PDE4C: variants seen among roughly 807,000 people sequenced by gnomAD.
PDE4C encodes phosphodiesterase 4C.
Under a neutral mutation model 63.9 loss-of-function variants are expected in PDE4C, and 50 were observed. That is an observed-to-expected ratio of 0.78 (90% CI 0.62 to 0.99). The LOEUF is 0.99. PDE4C is among the 50% of genes least tolerant of loss of function. The probability of loss-of-function intolerance (pLI) is 0.00; values close to 1 mark genes in which losing one functional copy is unlikely to be tolerated. For synonymous variants in PDE4C, 377 were observed against 385.1 expected (o/e 0.98, Z 0.25); for missense variants, 777 against 899.1 (o/e 0.86, Z 1.74).
chr19:18,213,381 G>C (rs760829283), exon 13 of PDE4C: 1 of 1,613,710 alleles, frequency 6.2e-7, no homozygotes, highest in Non-Finnish European at 8.5e-7. Flanking sequence ...GATTCGGTCG[G>C]AATAGTTGTC....
chr19:18,209,598 GGC>G (rs1252508802), downstream of PDE4C: 1 of 151,920 alleles, frequency 6.6e-6, no homozygotes, highest in Non-Finnish European at 1.5e-5. Context: ...ATGTTGGCCA[GGC>G]TGATTTTGAA....
At chr19:18,222,215 G>A (rs751642109) in exon 2 of PDE4C, 21 of 1,614,074 alleles carry the variant, frequency 1.3e-5, no homozygotes, top group African/African-American at 9.3e-5. Flanking sequence ...GGAAGGACTC[G>A]CGCCGCTGGC....
At chr19:18,224,576 G>T in intron 1 of PDE4C, 1 of 902,666 alleles carries the variant, frequency 1.1e-6, no homozygotes, top group Non-Finnish European at 1.3e-6. Flanking sequence ...CTTCGGATAA[G>T]TTCGAGCTTG....
At chr19:18,223,009 C>CT (rs1400439421) in intron 1 of PDE4C, among the ~76,000 whole-genome samples, 9 of 149,308 alleles carry the variant, frequency 6.0e-5, no homozygotes, top group Admixed American at 1.3e-4. Flanking sequence ...CTCCCCATTT[C>CT]TTTTTTTTCT....
chr19:18,236,249 T>G (rs1327973119), upstream of PDE4C, among the ~76,000 whole-genome samples: 1 of 151,034 alleles, frequency 6.6e-6, no homozygotes, highest in Non-Finnish European at 1.5e-5. Flanking sequence ...GGCCTGTTTT[T>G]ATTTTTTTAA....
chr19:18,225,105 A>G (rs1311612633), intron 1 of PDE4C, among the ~76,000 whole-genome samples: 1 of 151,984 alleles, frequency 6.6e-6, no homozygotes. Flanking sequence ...TTTCTGCTCT[A>G]AACTTAGCCG....
At chr19:18,224,548 C>G (rs1968643949) in intron 1 of PDE4C, 1 of 981,212 alleles carries the variant, frequency 1.0e-6, no homozygotes, top group Non-Finnish European at 1.2e-6. Flanking sequence ...TCGGCTACGT[C>G]CGATTGAGCT....
At chr19:18,231,580 GAGTCAGAAGCC>G (rs1968848954) in intron 1 of PDE4C, among the ~76,000 whole-genome samples, 1 of 152,138 alleles carries the variant, frequency 6.6e-6, no homozygotes, top group Non-Finnish European at 1.5e-5. Context: ...CTTGCTGATG[GAGTCAGAAGCC>G]AGTGGCCCCT....
chr19:18,250,834 C>T (rs1012202892), upstream of PDE4C, among the ~76,000 whole-genome samples: 4 of 148,250 alleles, frequency 2.7e-5, no homozygotes, highest in South Asian at 8.6e-4. Context: ...AGTGCAGTGA[C>T]GTTATCTCAG....
chr19:18,216,756 C>T, exon 12 of PDE4C: 1 of 1,582,654 alleles, frequency 6.3e-7, no homozygotes, highest in African/African-American at 1.3e-5. Flanking sequence ...CAATGACCAT[C>T]CTGCGCAGAC....
At chr19:18,218,641 ACT>A (rs1968320878) in intron 9 of PDE4C, 143 bp from the exon 10 acceptor site, 1 of 903,608 alleles carries the variant, frequency 1.1e-6, no homozygotes, top group Admixed American at 2.2e-5. Flanking sequence ...GAACTCCTCC[ACT>A]CTGTGTTATT....
chr19:18,236,419 C>T (rs1195876274), upstream of PDE4C, among the ~76,000 whole-genome samples: 1 of 152,100 alleles, frequency 6.6e-6, no homozygotes, highest in East Asian at 1.9e-4. Context: ...GACAGGGTTT[C>T]ACCATGTTGA....
At chr19:18,218,494 C>G in exon 10 of PDE4C, 1 of 1,614,168 alleles carries the variant, frequency 6.2e-7, no homozygotes, top group Non-Finnish European at 8.5e-7. Context: ...CAGCAGGTCC[C>G]GCTCCTGGTC....
chr19:18,227,332 G>A (rs1968760454), upstream of PDE4C, among the ~76,000 whole-genome samples: 1 of 151,806 alleles, frequency 6.6e-6, no homozygotes, highest in African/African-American at 2.4e-5. Context: ...ACCCCTCCAC[G>A]CAACTCCCCA....
At position 18,221,099 on chromosome 19, in the gene PDE4C, A is replaced by G; in HGVS notation, c.449+6T>C. The stretch of plus-strand genomic sequence containing the variant: ...CCGCCCCCGCCCCGCCCCGCCCTCT[A>G]CCTACTTGGCTGCTCCTAGGCATTG... On this transcript the variant is annotated splice_donor_region_variant and intron_variant, in intron 4 of 14. Transcript: ENST00000262805. 1.7e-6 allele frequency: 2 copies of G among 1,166,966 alleles called. No homozygotes were observed. The highest frequency in any genetic ancestry group is 2.4e-6 in the Non-Finnish European group (2 of 839,038). The allele number at this position is 1,166,966 out of a possible 1,614,324, so 72.3% of individuals were successfully genotyped here.
upstream of PDE4C, among the ~76,000 whole-genome samples, chr19:18,253,141 T>TTTAA: frequency 6.6e-6 from 1 of 152,152 alleles, no homozygotes; most frequent in Non-Finnish European, 1.5e-5. Context: ...CAGGCAGTGC[T>TTTAA]GGGCAGCTCC....
exon 15 of PDE4C, chr19:18,210,694 G>A (rs575340659): frequency 5.0e-5 from 24 of 477,784 alleles, no homozygotes; most frequent in Non-Finnish European, 6.9e-5. Flanking sequence ...CCAGGGCATC[G>A]TAAGAGGCTG....
chr19:18,254,182 G>A, the PDE4C span, among the ~76,000 whole-genome samples: 6 of 152,214 alleles, frequency 3.9e-5, no homozygotes, highest in African/African-American at 1.4e-4. Context: ...TCTGGCCTGA[G>A]GTGACTGGGG....
At chr19:18,217,459 C>T (rs992903844) in intron 11 of PDE4C, among the ~76,000 whole-genome samples, 14 of 142,998 alleles carry the variant, frequency 9.8e-5, no homozygotes, top group African/African-American at 3.6e-4. Context: ...AGCCATGGCA[C>T]CCAGTCTCTG....
Sources: gnomAD v4.1 joint callset for allele counts (sites outside exome capture counted in the v4.1 genomes callset) on GRCh38, gnomAD v4.1.1 for gene constraint, MANE v1.5 for transcripts, NCBI Gene and HGNC (gene_info 2026-07-23, HGNC 2026-07-21) for gene names.